LHFPL4: variants seen among roughly 807,000 people sequenced by gnomAD.
The protein encoded by LHFPL4 is LHFPL tetraspan subfamily member 4 protein.
Under a neutral mutation model 20.0 loss-of-function variants are expected in LHFPL4, and 6 were observed. The ratio of observed to expected loss-of-function variants is 0.30; its 90% CI spans 0.16 to 0.59. The LOEUF (loss-of-function observed/expected upper bound fraction) is 0.59. Among genes scored for constraint, LHFPL4 ranks in the 20% least tolerant of loss-of-function variants. The pLI is 0.88. For missense variants in LHFPL4, 215 were observed against 331.2 expected (o/e 0.65, Z 2.72); for synonymous variants, 129 against 143.8 (o/e 0.90, Z 0.74).
chr3:9,519,944 T>G (rs1261597039), intron 2 of LHFPL4, among the ~76,000 whole-genome samples: 1 of 152,082 alleles, frequency 6.6e-6, no homozygotes, highest in Non-Finnish European at 1.5e-5. Flanking sequence ...TAGGTGTGAG[T>G]CACCATCCTG....
chr3:9,550,290 C>G lies in LHFPL4; in HGVS notation c.406+1984G>C, dbSNP rs148315992. Among the ~76,000 whole-genome samples the G allele has an allele frequency of 2.5e-3, 388 of 152,310 alleles. 4 individuals carry two copies. Among genetic ancestry groups the G allele is most frequent in the African/African-American group, 8.8e-3 (366 of 41,576 alleles). Reference sequence around the variant, plus strand: ...ACAAAATGGAATAAACTGCTCAACTCTGCCAACTGCCCCCTCAGCCCACAT... The same window carrying G: ...ACAAAATGGAATAAACTGCTCAACTGTGCCAACTGCCCCCTCAGCCCACAT... On this transcript the variant is annotated intron_variant, in intron 2 of 3. Transcript: ENST00000287585.
At chr3:9,527,640 G>A (rs1247286816) in intron 2 of LHFPL4, among the ~76,000 whole-genome samples, 2 of 152,036 alleles carry the variant, frequency 1.3e-5, no homozygotes, top group Admixed American at 1.3e-4. Flanking sequence ...TCAGAAGGCA[G>A]AGGTTGCAGT....
intron 2 of LHFPL4, among the ~76,000 whole-genome samples, chr3:9,523,984 C>CA (rs2046357250): frequency 1.5e-5 from 1 of 66,788 alleles, no homozygotes; most frequent in African/African-American, 5.6e-5. Context: ...GCTAGTATTT[C>CA]CCCCCCCCCC....
chr3:9,507,819 C>G (rs2648426), intron 2 of LHFPL4, among the ~76,000 whole-genome samples: 146,198 of 152,330 alleles, frequency 0.96, 70,205 homozygotes, highest in Middle Eastern at 1. Context: ...AGTGGCACCT[C>G]CTGCGTCACA....
intron 2 of LHFPL4, 70 bp downstream of exon 2, chr3:9,552,204 A>AGGGGACCTGGCAGGAAGGAGCC: frequency 6.6e-7 from 1 of 1,521,166 alleles, no homozygotes; most frequent in African/African-American, 1.4e-5. Context: ...TCCTTCAGGA[A>AGGGGACCTGGCAGGAAGGAGCC]GGGGACCTGG....
chr3:9,527,754 A>AT (rs1324534486), intron 2 of LHFPL4, among the ~76,000 whole-genome samples: 1 of 151,512 alleles, frequency 6.6e-6, no homozygotes, highest in Non-Finnish European at 1.5e-5. Flanking sequence ...TGGCGGAATA[A>AT]TTTTTTTAAA....
rs116058924 is a variant in LHFPL4 at position 9,540,897 on chromosome 3, A to T, written c.406+11377T>A. ...CAGAGTGGGACCCTGTCTCAAAAAA[A>T]AATAATAATAAAAAATAAGAAATGA... On this transcript the variant is annotated intron_variant, in intron 2 of 3. Transcript: ENST00000287585. Among the ~76,000 whole-genome samples the T allele has an allele frequency of 3.7e-3, 567 of 151,940 alleles. 1 individual carries two copies. The highest frequency in any genetic ancestry group is 5.3e-3 in the Non-Finnish European group (362 of 67,968).
chr3:9,545,213 A>G (rs954200979), intron 2 of LHFPL4, among the ~76,000 whole-genome samples: 1 of 151,996 alleles, frequency 6.6e-6, no homozygotes, highest in African/African-American at 2.4e-5. Context: ...TAAAAAAGAG[A>G]GAGGAAGGAA....
intron 2 of LHFPL4, among the ~76,000 whole-genome samples, chr3:9,546,003 A>G (rs938803373): frequency 2.0e-5 from 3 of 152,126 alleles, no homozygotes; most frequent in Non-Finnish European, 2.9e-5. Context: ...CCTAGCCCAG[A>G]GACCCTGATA....
rs150028209 is a variant in LHFPL4, at chr3:9,522,766, G to A, written c.407-16563C>T. On this transcript the variant is annotated intron_variant, in intron 2 of 3. Transcript: ENST00000287585. The stretch of plus-strand genomic sequence containing the variant: ...CTCAAAAAAAAAAGAAAAAGGCCAG[G>A]CATGGTGGCTCACCCCTGTAATCCC... 5.5e-4 allele frequency among the ~76,000 whole-genome samples: 84 copies of A among 151,454 alleles called. 2 individuals carry two copies. The East Asian group carries it at 0.015, about 27-fold the overall frequency.
intron 2 of LHFPL4, among the ~76,000 whole-genome samples, chr3:9,522,289 C>T (rs930817916): frequency 8.6e-5 from 13 of 152,012 alleles, no homozygotes; most frequent in African/African-American, 2.2e-4. Context: ...CCACTGTGCC[C>T]GGCCAAGTAC....
At chr3:9,547,457 A>T (rs1022548206) in intron 2 of LHFPL4, among the ~76,000 whole-genome samples, 1 of 152,228 alleles carries the variant, frequency 6.6e-6, no homozygotes, top group Non-Finnish European at 1.5e-5. Context: ...TAATTTGTGT[A>T]TTCACTTCCT....
intron 2 of LHFPL4, chr3:9,550,606 C>T (rs988520101): frequency 6.6e-6 from 1 of 152,192 alleles, no homozygotes; most frequent in Non-Finnish European, 1.5e-5. Flanking sequence ...AGGTCAGCAA[C>T]CCATCTGCAG....
Position 9,529,844 on chromosome 3 carries a change from GCTGGT to G in LHFPL4, c.406+22425_406+22429del, listed in dbSNP as rs539819308. ...GATGGGGTTTCACCATCTTGGCCAT[GCTGGT>G]CTTGAACTCCTGACCTTCTGATCCA... On this transcript the variant is annotated intron_variant, in intron 2 of 3. Coordinates refer to ENST00000287585, the MANE Select transcript of LHFPL4 (RefSeq NM_198560.3). Among the ~76,000 whole-genome samples, 26 of 151,656 alleles carry G rather than the reference GCTGGT, an allele frequency of 1.7e-4. No homozygotes were observed. The East Asian group carries it at 4.9e-3, about 28-fold the overall frequency.
chr3:9,540,527 A>T (rs989637558), intron 2 of LHFPL4, among the ~76,000 whole-genome samples: 1 of 152,176 alleles, frequency 6.6e-6, no homozygotes, highest in African/African-American at 2.4e-5. Context: ...AGCCAGAACA[A>T]CCTTGAAAAT....
chr3:9,542,842 A>T (rs1268319846), intron 2 of LHFPL4, among the ~76,000 whole-genome samples: 3 of 151,056 alleles, frequency 2.0e-5, no homozygotes, highest in South Asian at 4.2e-4. Flanking sequence ...ATGTTATATG[A>T]TCCCATTTAT....
chr3:9,531,306 G>T (rs2046407170), intron 2 of LHFPL4, among the ~76,000 whole-genome samples: 1 of 152,200 alleles, frequency 6.6e-6, no homozygotes, highest in Admixed American at 6.5e-5. Context: ...TTGACTCAGG[G>T]TGCCACAAAC....
intron 2 of LHFPL4, among the ~76,000 whole-genome samples, chr3:9,514,301 T>C (rs914733263): frequency 1.3e-5 from 2 of 152,188 alleles, no homozygotes; most frequent in Non-Finnish European, 1.5e-5. Context: ...GCAGTCAAGG[T>C]ACAGAATACT....
At chr3:9,526,281 T>C (rs1226620866) in intron 2 of LHFPL4, among the ~76,000 whole-genome samples, 3 of 152,084 alleles carry the variant, frequency 2.0e-5, no homozygotes, top group African/African-American at 7.2e-5. Context: ...TTTTGCAAGA[T>C]TAAAAGAGTT....
Sources: gnomAD v4.1 joint callset for allele counts (sites outside exome capture counted in the v4.1 genomes callset) on GRCh38, gnomAD v4.1.1 for gene constraint, MANE v1.5 for transcripts, NCBI Gene and HGNC (gene_info 2026-07-23, HGNC 2026-07-21) for gene names.